TRA2B: variants seen among roughly 807,000 people sequenced by gnomAD.
TRA2B encodes the protein transformer-2 protein homolog beta.
A neutral mutation model predicts 41.7 loss-of-function variants in TRA2B; 14 were observed. The ratio of observed to expected loss-of-function variants is 0.34; its 90% CI spans 0.22 to 0.53. The LOEUF is 0.53. TRA2B is among the 20% of genes least tolerant of loss of function. TRA2B has a pLI of 0.95. For synonymous variants in TRA2B, 130 were observed against 128.8 expected (o/e 1.01, Z -0.06); for missense variants, 167 against 396.8 (o/e 0.42, Z 4.92).
chr3:185,932,887 C>T (rs1330484598), intron 1 of TRA2B, among the ~76,000 whole-genome samples: 1 of 152,146 alleles, frequency 6.6e-6, no homozygotes, highest in Non-Finnish European at 1.5e-5. Flanking sequence ...AATTGCAAGT[C>T]TTTATACCTA....
chr3:185,919,098 C>T (rs1211384963), intron 7 of TRA2B, among the ~76,000 whole-genome samples: 1 of 152,142 alleles, frequency 6.6e-6, no homozygotes, highest in African/African-American at 2.4e-5. Flanking sequence ...AAAAGGCTGG[C>T]TTGAATGTTC....
At position 185,915,542 on chromosome 3, in the gene TRA2B, T is replaced by C. The variant is rs1743472088; in HGVS notation, c.*2173A>G. The stretch of plus-strand genomic sequence containing the variant: ...ACAGCACATCAAAAGACTACCACTT[T>C]GTCTCACTACTTCTCAGTCTATCTC... On this transcript the variant is annotated 3_prime_UTR_variant, in exon 9 of 9. Coordinates refer to ENST00000453386, the MANE Select transcript of TRA2B (RefSeq NM_004593.3). 6.6e-6 allele frequency among the ~76,000 whole-genome samples: 1 copy of C among 152,202 alleles called. No individual in the cohort carries two copies. Among genetic ancestry groups the C allele is most frequent in the South Asian group, 2.1e-4 (1 of 4,836 alleles).
At chr3:185,937,689 T>C (rs768534965) in intron 1 of TRA2B, 136 bp downstream of exon 1, 46 of 1,259,230 alleles carry the variant, frequency 3.7e-5, no homozygotes, top group African/African-American at 6.0e-5. Flanking sequence ...TTAAATGCTG[T>C]CTCCCTTGCC....
Position 185,925,643 on chromosome 3 carries a change from TC to T in TRA2B, c.171-18del, listed in dbSNP as rs747625893. On this transcript the variant is annotated intron_variant, in intron 2 of 8. Coordinates refer to ENST00000453386, the MANE Select transcript of TRA2B (RefSeq NM_004593.3). ...GATCTAGACCTGCAAGACAAAGACCTCCTAAGGTTATGACTGAAAACAAATA... is the reference window on the plus strand; with the variant it reads ...GATCTAGACCTGCAAGACAAAGACCTCTAAGGTTATGACTGAAAACAAATA... 1.0e-5 allele frequency: 16 copies of T among 1,604,896 alleles called. No individual in the cohort carries two copies. The highest frequency in any genetic ancestry group is 1.4e-5 in the Non-Finnish European group (16 of 1,176,636).
chr3:185,931,440 T>C (rs2150118132), intron 1 of TRA2B: 1 of 577,438 alleles, frequency 1.7e-6, no homozygotes, highest in Admixed American at 6.2e-5. Flanking sequence ...ACTAAGCAGT[T>C]AAAATCAGAA....
chr3:185,935,155 A>T, intron 1 of TRA2B: 1 of 985,476 alleles, frequency 1.0e-6, no homozygotes, highest in Non-Finnish European at 1.2e-6. Context: ...AAAGGCCAGG[A>T]GTGCCTCTTT....
intron 6 of TRA2B, 97 bp from the exon 7 acceptor site, chr3:185,919,593 G>GA (rs1743636936): frequency 1.0e-6 from 1 of 975,354 alleles, no homozygotes; most frequent in Non-Finnish European, 1.5e-6. Flanking sequence ...CATAGAGCAT[G>GA]AATGAGATGT....
rs1578487992 is a variant in TRA2B, at chr3:185,934,509, G to T, written c.36+3316C>A. On this transcript the variant is annotated intron_variant, in intron 1 of 8. Coordinates refer to ENST00000453386, the MANE Select transcript of TRA2B (RefSeq NM_004593.3). ...ATATCCACAATATTAAAGCATTCTT[G>T]TTTAAAACCAAGAAAAAAATATTTC... 13 of 985,162 alleles carry T rather than the reference G, an allele frequency of 1.3e-5. No homozygotes were observed. The South Asian group carries it at 6.1e-4, about 46-fold the overall frequency. 61.0% of individuals were successfully genotyped at this position (985,162 alleles called of 1,614,324 possible). A position where few individuals can be genotyped will look rare whatever the true frequency, so the allele number is the denominator to read the frequency against.
Position 185,914,902 on chromosome 3 carries a change from T to C in TRA2B, c.*2813A>G, listed in dbSNP as rs1157796675. Among the ~76,000 whole-genome samples the C allele has an allele frequency of 3.9e-5, 6 of 152,230 alleles. No individual in the cohort carries two copies. The highest frequency in any genetic ancestry group is 1.4e-4 in the African/African-American group (6 of 41,446). On this transcript the variant is annotated 3_prime_UTR_variant, in exon 9 of 9. Transcript: ENST00000453386. ...ATTTCTCCTCCTGGGCCTTGCAGAA[T>C]TGGAATCCTAGTCAATGGTGTAAGA...
At chr3:185,920,699 A>G (rs923157464) in intron 6 of TRA2B, among the ~76,000 whole-genome samples, 2 of 152,090 alleles carry the variant, frequency 1.3e-5, no homozygotes, top group Non-Finnish European at 2.9e-5. Context: ...GTGCACCACC[A>G]CAACCGGCTA....
chr3:185,924,727 G>C (rs149451279), intron 3 of TRA2B: 1 of 152,296 alleles, frequency 6.6e-6, no homozygotes. Flanking sequence ...TGGGCGGATC[G>C]CTTAAGCCTG....
chr3:185,936,429 CTA>C, intron 1 of TRA2B: 2 of 985,358 alleles, frequency 2.0e-6, no homozygotes, highest in Non-Finnish European at 2.4e-6. Flanking sequence ...ACTAAAAACT[CTA>C]TGCTCATCCG....
rs900708076 is a variant in TRA2B at position 185,917,556 on chromosome 3, A to G, written c.*159T>C. On this transcript the variant is annotated 3_prime_UTR_variant, in exon 9 of 9. Transcript: ENST00000453386. ...ACCAAACTACACAAATGCAGAATGA[A>G]AACAGCATTTCAACTCCACCAAAAG... 1 of 629,042 alleles carries G rather than the reference A, an allele frequency of 1.6e-6. No individual in the cohort carries two copies. Among genetic ancestry groups the G allele is most frequent in the Non-Finnish European group, 2.7e-6 (1 of 370,022 alleles). The allele number at this position is 629,042 out of a possible 1,614,324, so 39.0% of individuals were successfully genotyped here. A position where few individuals can be genotyped will look rare whatever the true frequency, so the allele number is the denominator to read the frequency against.
intron 1 of TRA2B, chr3:185,926,984 A>G (rs140567347): frequency 9.0e-5 from 36 of 397,888 alleles, no homozygotes; most frequent in Middle Eastern, 1.5e-3. Flanking sequence ...CTTCCTTCAG[A>G]AAGGGGTGCC....
In TRA2B at chr3:185,923,946, C is replaced by T; in HGVS notation, c.372G>A (p.Gly124=). The T allele has an allele frequency of 6.2e-7, 1 of 1,613,210 alleles. No individual in the cohort carries two copies. ...PDPNCCLGVF[G]LSLYTTERDL... ...CTCTTTCTGTGGTGTACAAGCTCAG[C>T]CCAAATACTCCAAGACAACAGTTAG... The change falls in exon 4 of 9, where the codon GGG becomes GGA. Residue 124 remains glycine, a synonymous_variant. Transcript: ENST00000453386.
In TRA2B at chr3:185,917,633, C is replaced by T; in HGVS notation, c.*82G>A. On this transcript the variant is annotated 3_prime_UTR_variant, in exon 9 of 9. Transcript: ENST00000453386. Reference sequence around the variant, plus strand: ...ACCTAACTTCACTAGGCACTGTTCACTTTTTAAACAAGAGACAATAAAAAA... The same window carrying T: ...ACCTAACTTCACTAGGCACTGTTCATTTTTTAAACAAGAGACAATAAAAAA... 6.6e-7 allele frequency: 1 copy of T among 1,521,704 alleles called. No homozygotes were observed. Among genetic ancestry groups the T allele is most frequent in the Admixed American group, 1.8e-5 (1 of 56,688 alleles). The allele number at this position is 1,521,704 out of a possible 1,614,324, so 94.3% of individuals were successfully genotyped here.
chr3:185,933,673 CTG>C (rs1268293346), intron 1 of TRA2B, among the ~76,000 whole-genome samples: 1 of 152,038 alleles, frequency 6.6e-6, no homozygotes, highest in Admixed American at 6.5e-5. Context: ...GGCAGCCAAA[CTG>C]TCTACCAGAA....
chr3:185,921,277 C>G (rs1026309747), intron 5 of TRA2B, 90 bp from the exon 6 acceptor site: 20 of 1,093,050 alleles, frequency 1.8e-5, no homozygotes, highest in African/African-American at 3.1e-5. Flanking sequence ...GACACATTAA[C>G]TGGAAAATGA....
intron 6 of TRA2B, among the ~76,000 whole-genome samples, chr3:185,920,094 C>T (rs1473522489): frequency 6.6e-6 from 1 of 152,116 alleles, no homozygotes; most frequent in African/African-American, 2.4e-5. Flanking sequence ...CTATGATTGA[C>T]ATTTCCCTAC....
Sources: gnomAD v4.1 joint callset for allele counts (sites outside exome capture counted in the v4.1 genomes callset) on GRCh38, gnomAD v4.1.1 for gene constraint, MANE v1.5 for transcripts, NCBI Gene and HGNC (gene_info 2026-07-23, HGNC 2026-07-21) for gene names.